The following BAMBI variants were observed in gnomAD, a reference collection of about 807,000 sequenced individuals.
The protein encoded by BAMBI is BMP and activin membrane bound inhibitor.
Under a neutral mutation model 24.1 loss-of-function variants are expected in BAMBI, and 21 were observed. That is an observed-to-expected ratio of 0.87 (90% CI 0.62 to 1.26). The LOEUF is 1.26. BAMBI is among the 50% of genes most tolerant of loss of function. The pLI is 0.00. For synonymous variants in BAMBI, 156 were observed against 123.1 expected (o/e 1.27, Z -1.77); for missense variants, 388 against 329.1 (o/e 1.18, Z -1.38).
chr10:28,681,478 T>C lies in BAMBI; in HGVS notation c.297T>C (p.Cys99=). The change falls in exon 2 of 3, where the codon TGT becomes TGC. Residue 99 remains cysteine, a synonymous_variant. Transcript: ENST00000375533. ...CCACCATACCCACATTGGAATGCTG[T>C]CATGAAGACATGTGCAATTACAGAG... is the stretch of plus-strand genomic sequence containing the variant. ...SGTTIPTLEC[C]HEDMCNYRGL... is the part of the protein sequence containing the mutation. 1 of 1,614,166 alleles carries C rather than the reference T, an allele frequency of 6.2e-7. No homozygotes were observed. Among genetic ancestry groups the C allele is most frequent in the Non-Finnish European group, 8.5e-7 (1 of 1,180,014 alleles).
chr10:28,681,114 C>T (rs1039912046), intron 1 of BAMBI, 144 bp from the exon 2 acceptor site: 10 of 786,192 alleles, frequency 1.3e-5, no homozygotes, highest in Non-Finnish European at 1.8e-5. Flanking sequence ...GCAGGAAGGG[C>T]TTCTCCAGGC....
chr10:28,682,403 G>A lies in BAMBI; in HGVS notation c.*2G>A, dbSNP rs200929001. On this transcript the variant is annotated 3_prime_UTR_variant, in exon 3 of 3. Transcript: ENST00000375533. ...CACGGGAAGCTGGAATTCGTATGAC[G>A]GAGTCTTATCTGAACTACACTTACT... is the stretch of plus-strand genomic sequence containing the variant. 37 of 1,607,764 alleles carry A rather than the reference G, an allele frequency of 2.3e-5. No homozygotes were observed. The highest frequency in any genetic ancestry group is 2.9e-5 in the Non-Finnish European group (34 of 1,175,092).
intron 1 of BAMBI, 123 bp downstream of exon 1, chr10:28,678,096 C>A (rs1588642642): frequency 5.9e-5 from 50 of 850,564 alleles, no homozygotes; most frequent in Non-Finnish European, 8.5e-5. Context: ...CAGGTCGCGA[C>A]AAGTTGCTGT....
intron 2 of BAMBI, 196 bp downstream of exon 2, chr10:28,681,741 G>C (rs748098705): frequency 5.3e-6 from 4 of 754,656 alleles, no homozygotes; most frequent in Non-Finnish European, 8.3e-6. Context: ...CTACATAATA[G>C]GTTTTGCCTG....
Position 28,681,554 on chromosome 10 carries a change from A to G in BAMBI, c.364+9A>G. On this transcript the variant is annotated intron_variant, in intron 2 of 2. Transcript: ENST00000375533. ...CAGGGGTGAGGCCTCAGGTAGGTGG[A>G]AGCCGTTTCTAACCAGAATGCCTGC... The G allele has an allele frequency of 2.5e-6, 4 of 1,611,760 alleles. No homozygotes were observed. The highest frequency in any genetic ancestry group is 3.4e-6 in the Non-Finnish European group (4 of 1,178,546).
chr10:28,680,704 G>A (rs902908162), intron 1 of BAMBI, among the ~76,000 whole-genome samples: 16 of 152,308 alleles, frequency 1.1e-4, no homozygotes, highest in South Asian at 2.1e-4. Context: ...GCCTTTTCTA[G>A]AGAGGTTGCA....
rs1472778236 is a variant in BAMBI, at chr10:28,682,750, T to TA, written c.*350dup. On this transcript the variant is annotated 3_prime_UTR_variant, in exon 3 of 3. Coordinates refer to ENST00000375533, the MANE Select transcript of BAMBI (RefSeq NM_012342.3). ...ATTTATTGTAAAGATTTAAAAGAAA[T>TA]ATATATATTTTGTCTGAAATTTAAT... The TA allele has an allele frequency of 5.6e-6, 1 of 177,740 alleles. No homozygotes were observed. The highest frequency in any genetic ancestry group is 1.2e-5 in the Non-Finnish European group (1 of 84,538). The allele number at this position is 177,740 out of a possible 1,614,324, so 11.0% of individuals were successfully genotyped here.
chr10:28,682,295 G>C lies in BAMBI; in HGVS notation c.677G>C (p.Cys226Ser). 6.2e-7 allele frequency: 1 copy of C among 1,614,038 alleles called. No homozygotes were observed. The highest frequency in any genetic ancestry group is 8.5e-7 in the Non-Finnish European group (1 of 1,180,004). ...CCGGTCAGTGGGCACGAGAACTGCT[G>C]TCTGACCTGTGATAAAATGAGACAA... ...MVPVSGHENC[C>S]LTCDKMRQAD... The change falls in exon 3 of 3, where the codon TGT (cysteine) becomes TCT (serine). Residue 226 changes from cysteine (C) to serine (S), a missense_variant. By Grantham distance (112) the Cys-to-Ser change is moderately radical. Transcript: ENST00000375533.
intron 1 of BAMBI, among the ~76,000 whole-genome samples, chr10:28,678,584 A>G (rs1186724663): frequency 6.6e-6 from 1 of 151,600 alleles, no homozygotes; most frequent in Non-Finnish European, 1.5e-5. Flanking sequence ...TGTCTTTCTG[A>G]ATGCATTTCT....
chr10:28,679,870 C>G (rs1289165563), intron 1 of BAMBI, among the ~76,000 whole-genome samples: 1 of 152,122 alleles, frequency 6.6e-6, no homozygotes, highest in Non-Finnish European at 1.5e-5. Flanking sequence ...TTACTTGAAG[C>G]AGAGAAGGAA....
chr10:28,678,217 C>T (rs1054085365), intron 1 of BAMBI, among the ~76,000 whole-genome samples: 3 of 152,192 alleles, frequency 2.0e-5, no homozygotes, highest in African/African-American at 7.2e-5. Flanking sequence ...GGCGCGTTTG[C>T]AGCCCAGCGG....
chr10:28,682,776 A>G lies in BAMBI; in HGVS notation c.*375A>G, dbSNP rs1050581. On this transcript the variant is annotated 3_prime_UTR_variant, in exon 3 of 3. Transcript: ENST00000375533. The stretch of plus-strand genomic sequence containing the variant: ...ATATATATTTTGTCTGAAATTTAAT[A>G]GTGTCTTTCATAAATTTAACTGGGA... 0.016 allele frequency: 2,665 copies of G among 163,914 alleles called. 78 individuals carry two copies. Among genetic ancestry groups the G allele is most frequent in the African/African-American group, 0.06 (2,519 of 41,886 alleles). 10.2% of individuals were successfully genotyped at this position (163,914 alleles called of 1,614,324 possible). A position where few individuals can be genotyped will look rare whatever the true frequency, so the allele number is the denominator to read the frequency against.
rs1834516351 is a variant in BAMBI at position 28,682,892 on chromosome 10, T to TC, written c.*492dup. ...TAGGATGTGGCTTGGTTTTTTTTTT[T>TC]CTCTTTTCTTTTTTAAACAAGACCA... is the stretch of plus-strand genomic sequence containing the variant. On this transcript the variant is annotated 3_prime_UTR_variant, in exon 3 of 3. Transcript: ENST00000375533. 1.7e-5 allele frequency: 2 copies of TC among 115,368 alleles called. No individual in the cohort carries two copies. The highest frequency in any genetic ancestry group is 5.5e-5 in the African/African-American group (2 of 36,158). 7.1% of individuals were successfully genotyped at this position (115,368 alleles called of 1,614,324 possible).
At chr10:28,679,726 C>G (rs945404295) in intron 1 of BAMBI, among the ~76,000 whole-genome samples, 1 of 152,090 alleles carries the variant, frequency 6.6e-6, no homozygotes, top group African/African-American at 2.4e-5. Context: ...TACTTTAAAT[C>G]TATATATGGA....
At chr10:28,681,020 A>T (rs926202654) in intron 1 of BAMBI, among the ~76,000 whole-genome samples, 1 of 152,170 alleles carries the variant, frequency 6.6e-6, no homozygotes, top group African/African-American at 2.4e-5. Flanking sequence ...TTTTAAAATG[A>T]CTCTAAACTC....
At chr10:28,679,974 T>G (rs1252493670) in intron 1 of BAMBI, among the ~76,000 whole-genome samples, 2 of 152,188 alleles carry the variant, frequency 1.3e-5, no homozygotes, top group Non-Finnish European at 2.9e-5. Context: ...CTGGTTTTCC[T>G]TAGAACCGAA....
chr10:28,678,601 GTCTC>G (rs1834464071), intron 1 of BAMBI, among the ~76,000 whole-genome samples: 2 of 152,186 alleles, frequency 1.3e-5, no homozygotes, highest in South Asian at 4.1e-4. Flanking sequence ...TTCTGTGTCT[GTCTC>G]TAAGTGTCTT....
intron 1 of BAMBI, among the ~76,000 whole-genome samples, chr10:28,679,001 A>G (rs1834468651): frequency 6.6e-6 from 1 of 152,194 alleles, no homozygotes; most frequent in Admixed American, 6.5e-5. Context: ...TAGTCTTTGC[A>G]GCCCCCTACT....
Position 28,682,292 on chromosome 10 carries a change from G to A in BAMBI, c.674G>A (p.Cys225Tyr). Residue 225 changes from cysteine to tyrosine, a missense_variant, in exon 3 of 3, where the codon TGC becomes TAC. Transcript: ENST00000375533. ...CMVPVSGHEN[C>Y]CLTCDKMRQA... ...GTGCCGGTCAGTGGGCACGAGAACT[G>A]CTGTCTGACCTGTGATAAAATGAGA... 1 of 1,614,106 alleles carries A rather than the reference G, an allele frequency of 6.2e-7. No homozygotes were observed. Among genetic ancestry groups the A allele is most frequent in the Non-Finnish European group, 8.5e-7 (1 of 1,180,036 alleles).
Sources: gnomAD v4.1 joint callset for allele counts (sites outside exome capture counted in the v4.1 genomes callset) on GRCh38, gnomAD v4.1.1 for gene constraint, MANE v1.5 for transcripts, NCBI Gene and HGNC (gene_info 2026-07-23, HGNC 2026-07-21) for gene names.